The following DOCK3 variants were observed in gnomAD, a reference collection of about 807,000 sequenced individuals.
DOCK3 encodes the protein dedicator of cytokinesis 3, also known as dedicator of cytokinesis protein 3.
In DOCK3, 60 loss-of-function variants were observed where a neutral mutation model predicts 265.6. The observed-to-expected ratio is 0.23, with a 90% CI of 0.18 to 0.28. DOCK3 has a LOEUF of 0.28. Among genes scored for constraint, DOCK3 ranks in the 10% least tolerant of loss-of-function variants. The pLI is 1.00. For missense variants in DOCK3, 1,981 were observed against 2,594.3 expected, an observed-to-expected ratio of 0.76 and a Z score of 5.14; for synonymous variants, 881 against 938.0, an observed-to-expected ratio of 0.94 and a Z score of 1.11.
At chr3:50,805,206 G>A (rs575573378) in intron 2 of DOCK3, among the ~76,000 whole-genome samples, 7 of 152,268 alleles carry the variant, frequency 4.6e-5, no homozygotes, top group African/African-American at 1.7e-4. Flanking sequence ...TGTTGGTTTG[G>A]TGGAGTGTGT....
intron 9 of DOCK3, among the ~76,000 whole-genome samples, chr3:51,126,438 G>A (rs188253100): frequency 6.6e-6 from 1 of 152,262 alleles, no homozygotes; most frequent in African/African-American, 2.4e-5. Context: ...AATATAAAAT[G>A]TACACTTCTT....
At chr3:50,865,454 C>G (rs948138576) in intron 3 of DOCK3, among the ~76,000 whole-genome samples, 1 of 152,202 alleles carries the variant, frequency 6.6e-6, no homozygotes, top group Admixed American at 6.5e-5. Context: ...TCTCTAGTTT[C>G]ATCCATGTTG....
At chr3:51,368,687 G>A (rs914387546) in intron 49 of DOCK3, among the ~76,000 whole-genome samples, 2 of 152,246 alleles carry the variant, frequency 1.3e-5, no homozygotes, top group South Asian at 4.1e-4. Context: ...GTCCCTGTCT[G>A]ACAGCTTTGA....
intron 22 of DOCK3, among the ~76,000 whole-genome samples, chr3:51,255,853 A>C (rs1273500658): frequency 6.6e-6 from 1 of 152,180 alleles, no homozygotes; most frequent in Non-Finnish European, 1.5e-5. Flanking sequence ...GATAGTCTGA[A>C]GCCTTCTTCA....
intron 3 of DOCK3, among the ~76,000 whole-genome samples, chr3:50,885,998 T>G (rs2048311168): frequency 6.6e-6 from 1 of 151,978 alleles, no homozygotes; most frequent in South Asian, 2.1e-4. Flanking sequence ...AGCAAGTTTT[T>G]GTTGGAGTTT....
At chr3:50,692,220 ATTTTGTTTTTGT>A (rs993904933) in intron 1 of DOCK3, among the ~76,000 whole-genome samples, 5 of 152,048 alleles carry the variant, frequency 3.3e-5, no homozygotes, top group African/African-American at 1.2e-4. Flanking sequence ...CCTGGCCTCA[ATTTTGTTTTTGT>A]TTTTGTTTTT....
intron 7 of DOCK3, among the ~76,000 whole-genome samples, chr3:51,081,711 C>T (rs1219712321): frequency 6.6e-5 from 10 of 151,868 alleles, no homozygotes; most frequent in South Asian, 4.2e-4. Context: ...CTGGCTAACA[C>T]GGTGAAACCC....
chr3:51,363,050 G>A (rs558396711), intron 49 of DOCK3, among the ~76,000 whole-genome samples: 1 of 152,284 alleles, frequency 6.6e-6, no homozygotes, highest in African/African-American at 2.4e-5. Context: ...AAAGTAAATC[G>A]GGAGACTAAA....
intron 1 of DOCK3, among the ~76,000 whole-genome samples, chr3:50,710,366 CAG>C (rs2036679459): frequency 6.6e-6 from 1 of 152,124 alleles, no homozygotes; most frequent in East Asian, 1.9e-4. Context: ...CATGAATAAA[CAG>C]TTCTCAAAAG....
intron 2 of DOCK3, among the ~76,000 whole-genome samples, chr3:50,837,844 A>G (rs1367708759): frequency 6.6e-6 from 1 of 152,154 alleles, no homozygotes; most frequent in Non-Finnish European, 1.5e-5. Flanking sequence ...CTGAGGCGGG[A>G]GCCTGCTTAG....
At chr3:50,938,650 A>G (rs571294328) in intron 5 of DOCK3, among the ~76,000 whole-genome samples, 1 of 152,076 alleles carries the variant, frequency 6.6e-6, no homozygotes, top group Non-Finnish European at 1.5e-5. Context: ...ACCCACTACT[A>G]AATGATCTGT....
Position 51,071,955 on chromosome 3 carries a change from T to G in DOCK3, c.465-3401T>G, listed in dbSNP as rs76607475. Among the ~76,000 whole-genome samples, 417 of 152,288 alleles carry G rather than the reference T, an allele frequency of 2.7e-3. 1 individual carries two copies. The highest frequency in any genetic ancestry group is 9.6e-3 in the African/African-American group (399 of 41,552). On this transcript the variant is annotated intron_variant, in intron 6 of 52. Transcript: ENST00000266037. ...ACTACCCTTTATCCATTAAAGATAG[T>G]CTTAGTAGGAGGAACTCTTTTTGGT... is the stretch of plus-strand genomic sequence containing the variant.
At chr3:51,125,361 T>A (rs73087274) in intron 9 of DOCK3, among the ~76,000 whole-genome samples, 3,888 of 152,276 alleles carry the variant, frequency 0.026, 69 homozygotes, top group Non-Finnish European at 0.038. Context: ...ATCTGACAAA[T>A]TTAAATATTA....
chr3:50,911,387 T>C (rs2049845068), intron 4 of DOCK3, among the ~76,000 whole-genome samples: 1 of 152,148 alleles, frequency 6.6e-6, no homozygotes, highest in South Asian at 2.1e-4. Context: ...ATAGTTAGTA[T>C]TCCTAGCACC....
At chr3:51,150,114 A>G (rs1412369322) in intron 10 of DOCK3, among the ~76,000 whole-genome samples, 1 of 152,112 alleles carries the variant, frequency 6.6e-6, no homozygotes, top group African/African-American at 2.4e-5. Context: ...TAGATTTTCT[A>G]GTTTATTTGT....
intron 40 of DOCK3, 76 bp downstream of exon 40, chr3:51,350,468 C>T (rs2085902132): frequency 2.0e-6 from 3 of 1,499,302 alleles, no homozygotes; most frequent in African/African-American, 2.8e-5. Flanking sequence ...TCTTTTCTTC[C>T]CCTTTTTGCC....
intron 4 of DOCK3, among the ~76,000 whole-genome samples, chr3:50,922,754 T>C (rs1426208605): frequency 1.4e-5 from 2 of 147,658 alleles, no homozygotes; most frequent in African/African-American, 2.5e-5. Context: ...TTATTTTTAG[T>C]CTTTTTTTTT....
chr3:50,687,019 G>A (rs2034868824), intron 1 of DOCK3, among the ~76,000 whole-genome samples: 1 of 151,380 alleles, frequency 6.6e-6, no homozygotes, highest in Non-Finnish European at 1.5e-5. Context: ...AGACCAGCCT[G>A]GCCAACATGG....
intron 5 of DOCK3, among the ~76,000 whole-genome samples, chr3:50,991,422 A>G (rs2078098927): frequency 6.6e-6 from 1 of 152,220 alleles, no homozygotes; most frequent in African/African-American, 2.4e-5. Context: ...CAAATAGAAA[A>G]CAAAAAGCAG....
Sources: allele counts gnomAD v4.1 joint callset (sites outside exome capture counted in the v4.1 genomes callset), GRCh38; gene constraint gnomAD v4.1.1; transcripts MANE v1.5; gene names NCBI Gene and HGNC (gene_info 2026-07-23, HGNC 2026-07-21).